The following TENT5D variants were observed in gnomAD, a reference collection of about 807,000 sequenced individuals.
The protein encoded by TENT5D is cancer/testis antigen 112.
For synonymous variants in TENT5D, 103 were observed against 100.6 expected (o/e 1.02, Z -0.15); for missense variants, 191 against 287.0 (o/e 0.67, Z 2.42).
chrX:80,345,170 A>G (rs1930034770), intron 3 of TENT5D, among the ~76,000 whole-genome samples: 1 of 111,352 alleles, frequency 9.0e-6, no homozygotes, highest in Non-Finnish European at 1.9e-5. Flanking sequence ...ACCTCCCCTT[A>G]CACCTTTATA....
At chrX:80,347,315 T>G (rs1483538364) in intron 3 of TENT5D, among the ~76,000 whole-genome samples, 2 of 112,113 alleles carry the variant, frequency 1.8e-5, no homozygotes, top group Non-Finnish European at 3.8e-5. Flanking sequence ...GCATTCCTAT[T>G]TCTCCACATC....
intron 1 of TENT5D, among the ~76,000 whole-genome samples, chrX:80,436,151 T>C (rs1319611447): frequency 9.0e-6 from 1 of 111,061 alleles, no homozygotes; most frequent in Non-Finnish European, 1.9e-5. Flanking sequence ...TCTGATTTGG[T>C]GGCTATTCTA....
chrX:80,391,778 T>C (rs1339115105), intron 3 of TENT5D, among the ~76,000 whole-genome samples: 2 of 112,576 alleles, frequency 1.8e-5, no homozygotes. Flanking sequence ...AATGAGAAAT[T>C]ATGATGTGAT....
chrX:80,424,365 G>A (rs1931947842), intron 1 of TENT5D, among the ~76,000 whole-genome samples: 1 of 111,818 alleles, frequency 8.9e-6, no homozygotes, highest in Admixed American at 9.5e-5. Context: ...GGGTTCATGG[G>A]GCTTGGCTTC....
chrX:80,354,834 G>T (rs7887286), intron 3 of TENT5D, among the ~76,000 whole-genome samples: 1 of 111,946 alleles, frequency 8.9e-6, no homozygotes, highest in Non-Finnish European at 1.9e-5. Flanking sequence ...CTGTGTGGGC[G>T]GATGTTCTTT....
In TENT5D at chrX:80,341,710, C is replaced by CTTTTTT. The variant is rs1051286979; in HGVS notation, c.-206-776_-206-771dup. Among the ~76,000 whole-genome samples the CTTTTTT allele has an allele frequency of 1.6e-4, 15 of 91,427 alleles. 1 individual carries two copies. The highest frequency in any genetic ancestry group is 2.4e-4 in the Non-Finnish European group (11 of 45,117). 79.4% of individuals were successfully genotyped at this position (91,427 alleles called of 115,157 possible). On this transcript the variant is annotated intron_variant, in intron 2 of 4. Coordinates refer to the TENT5D transcript ENST00000538312. ...GAGGTATACTGAAAATAATTCTTTT[C>CTTTTTT]TTTTTTTTTTTTTTTTTTTGAGACG... is the stretch of plus-strand genomic sequence containing the variant.
upstream of TENT5D, among the ~76,000 whole-genome samples, chrX:80,415,653 C>G (rs1339881140): frequency 2.7e-5 from 3 of 111,946 alleles, no homozygotes; most frequent in East Asian, 2.8e-4. Context: ...CCTACTTGAT[C>G]ATGATGGATT....
intron 3 of TENT5D, among the ~76,000 whole-genome samples, chrX:80,364,127 C>G (rs1211916402): frequency 2.7e-5 from 3 of 111,853 alleles, no homozygotes; most frequent in African/African-American, 9.7e-5. Flanking sequence ...CAAATTACTC[C>G]CAAATTTAGA....
chrX:80,379,033 T>C (rs1164421771), intron 3 of TENT5D, among the ~76,000 whole-genome samples: 1 of 107,272 alleles, frequency 9.3e-6, no homozygotes, highest in Non-Finnish European at 1.9e-5. Context: ...TATTTTGAGA[T>C]ACGTTCCATC....
chrX:80,361,299 G>A (rs1163016541), intron 3 of TENT5D, among the ~76,000 whole-genome samples: 3 of 111,916 alleles, frequency 2.7e-5, no homozygotes, highest in Admixed American at 9.5e-5. Context: ...ATACAGAAAT[G>A]GAAAAGGAAA....
At chrX:80,357,467 G>C (rs1296797126) in intron 3 of TENT5D, among the ~76,000 whole-genome samples, 3 of 109,772 alleles carry the variant, frequency 2.7e-5, no homozygotes, top group Non-Finnish European at 5.7e-5. Context: ...ACTGGTGTGA[G>C]ATGGTATCTC....
chrX:80,377,791 G>T (rs905141969), intron 3 of TENT5D, among the ~76,000 whole-genome samples: 1 of 111,750 alleles, frequency 8.9e-6, no homozygotes, highest in African/African-American at 3.3e-5. Flanking sequence ...TCTAATTCTA[G>T]ATCCTTGAGG....
chrX:80,374,132 A>G (rs764871184), intron 3 of TENT5D, among the ~76,000 whole-genome samples: 4 of 111,371 alleles, frequency 3.6e-5, no homozygotes, highest in African/African-American at 1.3e-4. Flanking sequence ...GCTAAGGTTA[A>G]TGACCTCCAA....
exon 2 of TENT5D, chrX:80,335,677 A>G (rs770867763): frequency 3.6e-5 from 4 of 111,656 alleles, no homozygotes; most frequent in African/African-American, 1.3e-4. Context: ...GCCCCTCACC[A>G]TTGTCTCAGA....
In TENT5D at chrX:80,383,500, A is replaced by G. The variant is rs756201311; in HGVS notation, c.-142+40936A>G. ...TATATATAAAAGTACTGATTTTTAAAAAATCAAAATCATTTGTCCTCCAAA... is the reference window on the plus strand; with the variant it reads ...TATATATAAAAGTACTGATTTTTAAGAAATCAAAATCATTTGTCCTCCAAA... On this transcript the variant is annotated intron_variant, in intron 3 of 4. Coordinates refer to the TENT5D transcript ENST00000538312. Among the ~76,000 whole-genome samples the G allele has an allele frequency of 7.1e-5, 8 of 112,383 alleles. No homozygotes were observed. In the East Asian group the frequency reaches 2.2e-3, roughly 31 times the overall value.
At chrX:80,370,668 T>A (rs1232388062) in intron 3 of TENT5D, among the ~76,000 whole-genome samples, 1 of 112,198 alleles carries the variant, frequency 8.9e-6, no homozygotes, top group Non-Finnish European at 1.9e-5. Flanking sequence ...TCAGTAAATA[T>A]CTGTGCATAA....
intron 2 of TENT5D, among the ~76,000 whole-genome samples, chrX:80,336,182 A>T (rs1407777275): frequency 9.0e-6 from 1 of 111,148 alleles, no homozygotes; most frequent in Non-Finnish European, 1.9e-5. Flanking sequence ...AGTTTGACGA[A>T]TTTTTTTCCC....
rs781394615 is a variant in TENT5D at position 80,397,145 on chromosome X, C to G, written c.-141-41465C>G. Among the ~76,000 whole-genome samples, 125 of 102,478 alleles carry G rather than the reference C, an allele frequency of 1.2e-3. 1 individual carries two copies. Among genetic ancestry groups the G allele is most frequent in the African/African-American group, 4.1e-3 (114 of 27,664 alleles). 89.0% of individuals were successfully genotyped at this position (102,478 alleles called of 115,157 possible). On this transcript the variant is annotated intron_variant, in intron 3 of 4. Coordinates refer to the TENT5D transcript ENST00000538312. ...CTCACTTCTCAGACAGGGTGGCTGC[C>G]GGGCGGAGGGGCTCCTCACTTCTCA...
intron 3 of TENT5D, among the ~76,000 whole-genome samples, chrX:80,396,894 G>A (rs1931262642): frequency 1.1e-5 from 1 of 91,601 alleles, no homozygotes; most frequent in African/African-American, 4.0e-5. Context: ...TGGCTGGCCG[G>A]GCGGGGGGCT....
Sources: allele counts gnomAD v4.1 joint callset (sites outside exome capture counted in the v4.1 genomes callset), GRCh38; gene constraint gnomAD v4.1.1; transcripts MANE v1.5; gene names NCBI Gene and HGNC (gene_info 2026-07-23, HGNC 2026-07-21).